The following CPED1 variants were observed in gnomAD, a reference collection of about 807,000 sequenced individuals.
The protein encoded by CPED1 is cadherin like and PC-esterase domain containing 1, also known as cadherin-like and PC-esterase domain-containing protein 1.
Under a neutral mutation model 128.2 loss-of-function variants are expected in CPED1, and 114 were observed. That is an observed-to-expected ratio of 0.89 (90% CI 0.76 to 1.04). The LOEUF (loss-of-function observed/expected upper bound fraction) is 1.04, where lower values mean the gene tolerates loss of function less well. Ranked by LOEUF, CPED1 falls within the 50% of genes least tolerant of loss-of-function variation. The pLI, the probability that CPED1 is intolerant of heterozygous loss-of-function variation, is 0.00. For missense variants in CPED1, 1,211 were observed against 1,207.1 expected (o/e 1.00, Z -0.05); for synonymous variants, 462 against 426.7 (o/e 1.08, Z -1.02).
At chr7:121,225,793 T>C (rs1797993491) in intron 16 of CPED1, among the ~76,000 whole-genome samples, 1 of 152,150 alleles carries the variant, frequency 6.6e-6, no homozygotes, top group Non-Finnish European at 1.5e-5. Context: ...TGTGTATGCA[T>C]CACGAAGTTC....
rs765274413 is a variant in CPED1, at chr7:120,989,768, C to G, written c.147C>G (p.Val49=). The G allele has an allele frequency of 1.2e-6, 2 of 1,613,926 alleles. No individual in the cohort carries two copies. Among genetic ancestry groups the G allele is most frequent in the African/African-American group, 1.3e-5 (1 of 74,948 alleles). Residue 49 remains valine, a synonymous_variant, in exon 2 of 23, where the codon GTC becomes GTG. Transcript: ENST00000310396. ...TCACAGCCGCTGCCCCTGGGGCTGTCCCACACACATCCACTGAAACCCAGG... is the reference window on the plus strand; with the variant it reads ...TCACAGCCGCTGCCCCTGGGGCTGTGCCACACACATCCACTGAAACCCAGG... The part of the protein sequence containing the change: ...RKLTAAAPGA[V]PHTSTETQAS...
intron 5 of CPED1, among the ~76,000 whole-genome samples, chr7:121,077,854 A>G (rs1209372248): frequency 1.3e-5 from 2 of 151,838 alleles, no homozygotes; most frequent in African/African-American, 4.8e-5. Flanking sequence ...ATACGTTTAA[A>G]ATTTTTATAT....
intron 7 of CPED1, among the ~76,000 whole-genome samples, chr7:121,107,235 A>G (rs1396395205): frequency 1.3e-5 from 2 of 152,122 alleles, no homozygotes; most frequent in African/African-American, 4.8e-5. Flanking sequence ...TTAATTTTAT[A>G]AATCTTTATC....
At chr7:121,128,348 C>A in intron 10 of CPED1, 34 bp from the exon 11 acceptor site, 1 of 1,205,148 alleles carries the variant, frequency 8.3e-7, no homozygotes, top group Non-Finnish European at 1.2e-6. Flanking sequence ...GACTTTTTAA[C>A]AATTGCTTAA....
chr7:121,046,873 T>G lies in CPED1; in HGVS notation c.434-14T>G, dbSNP rs1319825988. The G allele has an allele frequency of 6.5e-7, 1 of 1,546,762 alleles. No individual in the cohort carries two copies. The highest frequency in any genetic ancestry group is 1.2e-5 in the South Asian group (1 of 85,630). ...ATGAAAACTTATTTGTTTTGAATAT[T>G]CTTTTGCTTTTAGGTGATCTGGGCT... On this transcript the variant is annotated splice_polypyrimidine_tract_variant and intron_variant, in intron 3 of 22. Transcript: ENST00000310396.
chr7:121,260,940 A>G (rs940724188), intron 18 of CPED1, among the ~76,000 whole-genome samples: 6 of 152,070 alleles, frequency 3.9e-5, no homozygotes, highest in Admixed American at 1.3e-4. Context: ...TATTAATACT[A>G]CATGTATCCA....
chr7:121,080,341 G>T (rs2116133580), intron 5 of CPED1, among the ~76,000 whole-genome samples: 1 of 152,272 alleles, frequency 6.6e-6, no homozygotes. Context: ...ATCGCCCAGT[G>T]ATTGTGATAT....
intron 11 of CPED1, among the ~76,000 whole-genome samples, chr7:121,129,736 T>C (rs1277774557): frequency 2.0e-5 from 3 of 151,892 alleles, no homozygotes; most frequent in East Asian, 1.9e-4. Flanking sequence ...AGATTTTTAT[T>C]TGCGGGGGAA....
At chr7:121,118,573 ACAG>A (rs138600509) in intron 7 of CPED1, among the ~76,000 whole-genome samples, 37 of 145,776 alleles carry the variant, frequency 2.5e-4, no homozygotes, top group African/African-American at 9.1e-4. Flanking sequence ...AAAAAAAAAA[ACAG>A]AGAGAGAAAG....
At chr7:121,013,098 A>G (rs140781183) in intron 2 of CPED1, among the ~76,000 whole-genome samples, 192 of 152,220 alleles carry the variant, frequency 1.3e-3, no homozygotes, top group African/African-American at 4.3e-3. Context: ...AGTGACACCG[A>G]TATATTGGGA....
intron 11 of CPED1, among the ~76,000 whole-genome samples, chr7:121,129,104 T>A (rs1038358647): frequency 1.3e-5 from 2 of 151,558 alleles, no homozygotes; most frequent in Non-Finnish European, 3.0e-5. Context: ...TTAATACTTG[T>A]TTTCTTTCCA....
intron 6 of CPED1, among the ~76,000 whole-genome samples, chr7:121,099,120 C>T (rs1202307782): frequency 2.0e-5 from 3 of 150,720 alleles, no homozygotes; most frequent in African/African-American, 2.4e-5. Flanking sequence ...AAAGTATTTT[C>T]GCATATTCTT....
chr7:121,078,498 GAAAA>G (rs529856618), intron 5 of CPED1, among the ~76,000 whole-genome samples: 34 of 101,750 alleles, frequency 3.3e-4, no homozygotes, highest in African/African-American at 5.5e-4. Context: ...AAGAAAGAAA[GAAAA>G]AAAAAAAAAA....
chr7:121,229,247 AAT>A (rs1421518802), intron 16 of CPED1, among the ~76,000 whole-genome samples: 5 of 152,080 alleles, frequency 3.3e-5, no homozygotes, highest in Non-Finnish European at 5.9e-5. Flanking sequence ...CCAATTTGTG[AAT>A]ATGATATTTT....
intron 11 of CPED1, among the ~76,000 whole-genome samples, chr7:121,129,713 A>G (rs1795615768): frequency 1.3e-5 from 2 of 151,978 alleles, no homozygotes; most frequent in South Asian, 4.1e-4. Flanking sequence ...CACAGTAGAA[A>G]GGAGATAACC....
intron 3 of CPED1, among the ~76,000 whole-genome samples, chr7:121,032,793 C>A (rs1792771197): frequency 6.6e-6 from 1 of 152,026 alleles, no homozygotes; most frequent in Non-Finnish European, 1.5e-5. Context: ...GGCATAGTTT[C>A]ACATTGGCCT....
At chr7:121,139,924 A>G (rs767434741) in intron 14 of CPED1, among the ~76,000 whole-genome samples, 2 of 151,992 alleles carry the variant, frequency 1.3e-5, no homozygotes, top group Non-Finnish European at 2.9e-5. Context: ...AGAATTTTGT[A>G]TGTTTATCTT....
chr7:121,129,291 A>ATATATATATATACACGTT (rs1554438755), intron 11 of CPED1, among the ~76,000 whole-genome samples: 1 of 71,474 alleles, frequency 1.4e-5, no homozygotes. Context: ...ATATATGTAT[A>ATATATATATATACACGTT]TATATATATA....
At chr7:121,209,588 A>C (rs1168423068) in intron 16 of CPED1, among the ~76,000 whole-genome samples, 1 of 152,040 alleles carries the variant, frequency 6.6e-6, no homozygotes, top group African/African-American at 2.4e-5. Flanking sequence ...ATCTCTCACT[A>C]TACACAAAAG....
Sources: gnomAD v4.1 joint callset for allele counts (sites outside exome capture counted in the v4.1 genomes callset) on GRCh38, gnomAD v4.1.1 for gene constraint, MANE v1.5 for transcripts, NCBI Gene and HGNC (gene_info 2026-07-23, HGNC 2026-07-21) for gene names.